GALNTL6: variants seen among roughly 807,000 people sequenced by gnomAD.
GALNTL6 encodes the protein polypeptide N-acetylgalactosaminyltransferase like 6, also known as polypeptide N-acetylgalactosaminyltransferase-like 6.
A neutral mutation model predicts 73.7 loss-of-function variants in GALNTL6; 46 were observed. That is an observed-to-expected ratio of 0.62 (90% confidence interval 0.49 to 0.80). The LOEUF (loss-of-function observed/expected upper bound fraction) is 0.80, where lower values mean the gene tolerates loss of function less well. GALNTL6 is among the 30% of genes least tolerant of loss of function. GALNTL6 has a pLI of 0.00. For synonymous variants in GALNTL6, 259 were observed against 263.7 expected, an observed-to-expected ratio of 0.98 and a Z score of 0.17; for missense variants, 604 against 755.0, an observed-to-expected ratio of 0.80 and a Z score of 2.34.
At chr4:172,451,698 A>G (rs1732218839) in intron 5 of GALNTL6, among the ~76,000 whole-genome samples, 3 of 152,280 alleles carry the variant, frequency 2.0e-5, no homozygotes, top group Admixed American at 6.5e-5. Flanking sequence ...TCATCAGCAA[A>G]CAATTTAAAA....
intron 9 of GALNTL6, 38 bp downstream of exon 9, chr4:172,931,306 TG>T (rs757759485): frequency 1.3e-5 from 16 of 1,217,476 alleles, no homozygotes; most frequent in Admixed American, 1.0e-4. Flanking sequence ...GGGGTTGATA[TG>T]GCTTTCTGTA....
rs70941375 is a variant in GALNTL6, at chr4:172,015,923, A to ATTTTTTTTTTTTTTTTTTTTTTTT, written c.138+201215_138+201238dup. The stretch of plus-strand genomic sequence containing the variant: ...AGAAATCAGCTGATAATCTAATAGG[A>ATTTTTTTTTTTTTTTTTTTTTTTT]TTTTTTTTTTTTTTTTTTTTTTTTT... On this transcript the variant is annotated intron_variant, in intron 2 of 12. Coordinates refer to ENST00000506823, the MANE Select transcript of GALNTL6 (RefSeq NM_001034845.3). Among the ~76,000 whole-genome samples the ATTTTTTTTTTTTTTTTTTTTTTTT allele has an allele frequency of 1.1e-4, 5 of 44,052 alleles. 1 individual carries two copies. Among genetic ancestry groups the ATTTTTTTTTTTTTTTTTTTTTTTT allele is most frequent in the African/African-American group, 1.6e-4 (2 of 12,824 alleles). The allele number at this position is 44,052 out of a possible 152,430, so 28.9% of individuals were successfully genotyped here. A position where few individuals can be genotyped will look rare whatever the true frequency, so the allele number is the denominator to read the frequency against.
chr4:172,578,569 C>A (rs993100750), intron 5 of GALNTL6, among the ~76,000 whole-genome samples: 2 of 152,144 alleles, frequency 1.3e-5, no homozygotes, highest in African/African-American at 2.4e-5. Flanking sequence ...ATAGCAGTGG[C>A]CTCTTGGGTG....
At chr4:172,903,138 T>G (rs1159644602) in intron 8 of GALNTL6, among the ~76,000 whole-genome samples, 1 of 145,970 alleles carries the variant, frequency 6.9e-6, no homozygotes, top group African/African-American at 2.8e-5. Context: ...CCCCTAAAAG[T>G]TCACACAAAT....
At chr4:172,145,387 G>T (rs531937633) in intron 2 of GALNTL6, among the ~76,000 whole-genome samples, 19 of 152,022 alleles carry the variant, frequency 1.2e-4, no homozygotes, top group African/African-American at 4.1e-4. Context: ...TGATCCGCCC[G>T]CCTTGGCCTC....
chr4:171,971,268 T>A (rs1192911222), intron 2 of GALNTL6, among the ~76,000 whole-genome samples: 1 of 152,180 alleles, frequency 6.6e-6, no homozygotes, highest in African/African-American at 2.4e-5. Context: ...CTGTGAATTA[T>A]CCCTCTGAAT....
chr4:172,061,345 C>A (rs1216998293), intron 2 of GALNTL6, among the ~76,000 whole-genome samples: 1 of 152,108 alleles, frequency 6.6e-6, no homozygotes. Flanking sequence ...ATGAGAAGAA[C>A]AGATGCTTCA....
intron 10 of GALNTL6, among the ~76,000 whole-genome samples, chr4:172,956,155 A>G (rs1463792167): frequency 6.6e-6 from 1 of 152,078 alleles, no homozygotes; most frequent in Non-Finnish European, 1.5e-5. Flanking sequence ...ATGGAGAGAT[A>G]ATGCGCGATG....
At chr4:172,142,064 A>C (rs528622860) in intron 2 of GALNTL6, among the ~76,000 whole-genome samples, 1 of 152,174 alleles carries the variant, frequency 6.6e-6, no homozygotes, top group South Asian at 2.1e-4. Flanking sequence ...TCTTCAGAAA[A>C]AACTAGAAAG....
At chr4:173,012,514 T>C (rs973106690) in intron 11 of GALNTL6, among the ~76,000 whole-genome samples, 1 of 152,240 alleles carries the variant, frequency 6.6e-6, no homozygotes, top group African/African-American at 2.4e-5. Flanking sequence ...CCTCATGGTA[T>C]TCTAGGAGGA....
chr4:172,351,204 T>TATC (rs1183747173), intron 5 of GALNTL6, among the ~76,000 whole-genome samples: 3 of 152,098 alleles, frequency 2.0e-5, no homozygotes, highest in Non-Finnish European at 4.4e-5. Flanking sequence ...TCTATCTATC[T>TATC]ATCTATCTAT....
intron 5 of GALNTL6, among the ~76,000 whole-genome samples, chr4:172,630,066 A>AT (rs1393473192): frequency 6.6e-6 from 1 of 151,972 alleles, no homozygotes; most frequent in Admixed American, 6.6e-5. Flanking sequence ...TCCTGAGACA[A>AT]TTTTTTTCAT....
At chr4:172,283,228 T>C (rs1022063233) in intron 3 of GALNTL6, among the ~76,000 whole-genome samples, 6 of 152,132 alleles carry the variant, frequency 3.9e-5, no homozygotes, top group African/African-American at 1.4e-4. Flanking sequence ...CACGAGGAAG[T>C]GTGTTATAGA....
intron 10 of GALNTL6, among the ~76,000 whole-genome samples, chr4:172,972,370 G>A (rs1351682901): frequency 6.6e-6 from 1 of 152,154 alleles, no homozygotes; most frequent in African/African-American, 2.4e-5. Context: ...TTAAAAGTAT[G>A]TTAATGTTAT....
At chr4:172,606,614 A>AG (rs1738289912) in intron 5 of GALNTL6, among the ~76,000 whole-genome samples, 6 of 38,552 alleles carry the variant, frequency 1.6e-4, no homozygotes, top group Admixed American at 8.1e-4. Flanking sequence ...ATATATACAT[A>AG]TATAGTATAT....
At chr4:172,885,095 T>G (rs866245472) in intron 8 of GALNTL6, among the ~76,000 whole-genome samples, 3 of 152,234 alleles carry the variant, frequency 2.0e-5, no homozygotes, top group Non-Finnish European at 2.9e-5. Context: ...AGGACTGCTT[T>G]AGCTATTTAG....
chr4:172,185,591 T>C (rs1735392367), intron 2 of GALNTL6, among the ~76,000 whole-genome samples: 1 of 152,248 alleles, frequency 6.6e-6, no homozygotes, highest in African/African-American at 2.4e-5. Flanking sequence ...AAATCATCTT[T>C]ATAACTGGAT....
chr4:172,943,495 G>A (rs900148883), intron 9 of GALNTL6, among the ~76,000 whole-genome samples: 1 of 152,200 alleles, frequency 6.6e-6, no homozygotes, highest in East Asian at 1.9e-4. Context: ...TCAGGTGTGA[G>A]ATAGGGTGTT....
intron 5 of GALNTL6, among the ~76,000 whole-genome samples, chr4:172,598,251 G>T (rs1348665225): frequency 3.3e-5 from 5 of 152,014 alleles, no homozygotes; most frequent in Non-Finnish European, 4.4e-5. Flanking sequence ...CAAACATATT[G>T]GCAGTGATTT....
Sources: gnomAD v4.1 joint callset for allele counts (sites outside exome capture counted in the v4.1 genomes callset) on GRCh38, gnomAD v4.1.1 for gene constraint, MANE v1.5 for transcripts, NCBI Gene and HGNC (gene_info 2026-07-23, HGNC 2026-07-21) for gene names.